The following ADAM18 variants were observed in gnomAD, a reference collection of about 807,000 sequenced individuals.
ADAM18 encodes ADAM metallopeptidase domain 18.
Under a neutral mutation model 94.4 loss-of-function variants are expected in ADAM18, and 117 were observed. The observed-to-expected ratio is 1.24, with a 90% CI of 1.07 to 1.45. The LOEUF (loss-of-function observed/expected upper bound fraction) is 1.45, where lower values mean the gene tolerates loss of function less well. Ranked by LOEUF, ADAM18 falls within the 40% of genes most tolerant of loss-of-function variation. The probability of loss-of-function intolerance (pLI) is 0.00; values close to 1 mark genes in which losing one functional copy is unlikely to be tolerated. For synonymous variants in ADAM18, 327 were observed against 291.6 expected, an observed-to-expected ratio of 1.12 and a Z score of -1.24; for missense variants, 936 against 880.0, an observed-to-expected ratio of 1.06 and a Z score of -0.81.
At chr8:39,710,884 A>T (rs187490326) in intron 18 of ADAM18, among the ~76,000 whole-genome samples, 188 of 152,348 alleles carry the variant, frequency 1.2e-3, no homozygotes, top group Non-Finnish European at 2.2e-3. Flanking sequence ...TTAGAATGCC[A>T]TATGCATGAT....
chr8:39,628,903 A>G (rs1301197032), intron 6 of ADAM18, among the ~76,000 whole-genome samples: 1 of 152,072 alleles, frequency 6.6e-6, no homozygotes, highest in Non-Finnish European at 1.5e-5. Flanking sequence ...GTGCTAACAT[A>G]ATAACCTATA....
intron 6 of ADAM18, among the ~76,000 whole-genome samples, chr8:39,625,419 A>T (rs555883717): frequency 9.7e-4 from 147 of 152,236 alleles, no homozygotes; most frequent in Non-Finnish European, 1.8e-3. Flanking sequence ...CACTGGTCAA[A>T]TGTAGGAGTC....
At chr8:39,725,453 C>T (rs1822876307) in intron 19 of ADAM18, among the ~76,000 whole-genome samples, 1 of 152,106 alleles carries the variant, frequency 6.6e-6, no homozygotes, top group Non-Finnish European at 1.5e-5. Context: ...ATTTATCTTG[C>T]ATAACTGAAT....
At position 39,682,370 on chromosome 8, in the gene ADAM18, G is replaced by A. The variant is rs183489874; in HGVS notation, c.1821+2144G>A. 1.5e-3 allele frequency among the ~76,000 whole-genome samples: 226 copies of A among 152,284 alleles called. 6 individuals are homozygous for A. Among genetic ancestry groups the A allele is most frequent in the Admixed American group, 0.014 (210 of 15,288 alleles). On this transcript the variant is annotated intron_variant, in intron 16 of 19. Transcript: ENST00000265707. ...CAGTTTTTGAGAAACCGCCAGTAAA[G>A]AGAATACAAAATGAAAGGAGGCTAT...
chr8:39,701,716 A>G lies in ADAM18; in HGVS notation c.1903-5074A>G, dbSNP rs531451096. 5.9e-5 allele frequency among the ~76,000 whole-genome samples: 9 copies of G among 152,024 alleles called. No homozygotes were observed. The East Asian group carries it at 1.7e-3, about 29-fold the overall frequency. ...CATGTGTTGTCATCATTTCGTTCCC[A>G]CTTATAAGTGAGAACGTGTGGTATT... is the stretch of plus-strand genomic sequence containing the variant. On this transcript the variant is annotated intron_variant, in intron 17 of 19. Coordinates refer to ENST00000265707, the MANE Select transcript of ADAM18 (RefSeq NM_014237.3).
At chr8:39,697,616 T>C (rs996563537) in intron 17 of ADAM18, among the ~76,000 whole-genome samples, 4 of 151,784 alleles carry the variant, frequency 2.6e-5, no homozygotes, top group Non-Finnish European at 5.9e-5. Context: ...ATATATTTAC[T>C]CTTTCTATTT....
chr8:39,729,937 T>A lies in ADAM18; in HGVS notation c.2217T>A (p.His739Gln). The A allele has an allele frequency of 6.2e-7, 1 of 1,612,870 alleles. No individual in the cohort carries two copies. Among genetic ancestry groups the A allele is most frequent in the Non-Finnish European group, 8.5e-7 (1 of 1,178,844 alleles). The change falls in exon 20 of 20, where the codon CAT becomes CAA. Residue 739 changes from histidine to glutamine, a missense_variant. Physicochemically the swap from His to Gln is conservative, Grantham distance 24. Transcript: ENST00000265707. ...TATCAGAAAGCGATGACGTGGGACA[T>A]TAATATTGCACAGAACTTCCATAGC... ...SVVSESDDVG[H>Q]
chr8:39,587,369 A>C (rs984505762), intron 2 of ADAM18, among the ~76,000 whole-genome samples: 1 of 152,214 alleles, frequency 6.6e-6, no homozygotes, highest in Non-Finnish European at 1.5e-5. Context: ...TCATTGAGCA[A>C]TAATTCCCTA....
Position 39,723,757 on chromosome 8 carries a change from A to G in ADAM18, c.2027A>G (p.Tyr676Cys). 3 of 1,513,070 alleles carry G rather than the reference A, an allele frequency of 2.0e-6. No individual in the cohort carries two copies. Among genetic ancestry groups the G allele is most frequent in the Non-Finnish European group, 2.6e-6 (3 of 1,135,642 alleles). 93.7% of individuals were successfully genotyped at this position (1,513,070 alleles called of 1,614,324 possible). A position where few individuals can be genotyped will look rare whatever the true frequency, so the allele number is the denominator to read the frequency against. ...DGNFQKSGDF[Y>C]TEKGYNTHWN... ...TATGATTCATTTCTAGGTGACTTTT[A>G]TACTGAAAAAGGCTACAATACACAC... The change falls in exon 19 of 20, where the codon TAT (tyrosine) becomes TGT (cysteine). Residue 676 changes from tyrosine to cysteine, a missense_variant. Coordinates refer to ENST00000265707, the MANE Select transcript of ADAM18 (RefSeq NM_014237.3).
chr8:39,684,047 A>G (rs1821541001), intron 16 of ADAM18, among the ~76,000 whole-genome samples: 1 of 152,166 alleles, frequency 6.6e-6, no homozygotes, highest in African/African-American at 2.4e-5. Flanking sequence ...TGGGAGGCTG[A>G]AGCAAGAGGA....
rs1820432128 is a variant in ADAM18 at position 39,648,031 on chromosome 8, G to A, written c.1047-313G>A. Among the ~76,000 whole-genome samples the A allele has an allele frequency of 3.3e-5, 5 of 152,108 alleles. No individual in the cohort carries two copies. In the South Asian group the frequency reaches 1.0e-3, roughly 31 times the overall value. ...AAAGCTTGAACTATATAACAGAAGA[G>A]CACACTATGCAGAGGGAACAATAGA... On this transcript the variant is annotated intron_variant, in intron 11 of 19. Coordinates refer to ENST00000265707, the MANE Select transcript of ADAM18 (RefSeq NM_014237.3).
chr8:39,722,190 C>T (rs1010060872), intron 18 of ADAM18, among the ~76,000 whole-genome samples: 20 of 101,810 alleles, frequency 2.0e-4, no homozygotes, highest in Non-Finnish European at 2.7e-4. Flanking sequence ...TTGGTTATAC[C>T]GTGTGTGTGT....
chr8:39,729,576 A>T (rs1334816238), intron 19 of ADAM18, among the ~76,000 whole-genome samples: 1 of 152,160 alleles, frequency 6.6e-6, no homozygotes, highest in Admixed American at 6.5e-5. Flanking sequence ...GATTGTTTTT[A>T]CATAGTCATT....
chr8:39,700,561 T>G (rs1434696737), intron 17 of ADAM18, among the ~76,000 whole-genome samples: 8 of 152,154 alleles, frequency 5.3e-5, no homozygotes, highest in African/African-American at 1.9e-4. Flanking sequence ...TAATGAAAAT[T>G]TAATAAAAAT....
At chr8:39,663,750 T>A in intron 12 of ADAM18, 45 bp from the exon 13 acceptor site, 1 of 1,295,184 alleles carries the variant, frequency 7.7e-7, no homozygotes, top group South Asian at 1.2e-5. Flanking sequence ...ACAAGAGCTT[T>A]TAAGTGGTTA....
chr8:39,588,105 C>A (rs547125344), intron 2 of ADAM18, among the ~76,000 whole-genome samples: 1 of 152,100 alleles, frequency 6.6e-6, no homozygotes, highest in Admixed American at 6.5e-5. Context: ...TTTTGTGGAA[C>A]CTCCATACTG....
At chr8:39,601,348 C>A (rs1818898236) in intron 2 of ADAM18, among the ~76,000 whole-genome samples, 1 of 152,218 alleles carries the variant, frequency 6.6e-6, no homozygotes. Flanking sequence ...GTTTACATCT[C>A]CATTTATAAG....
At chr8:39,658,616 T>C (rs1028635119) in intron 12 of ADAM18, among the ~76,000 whole-genome samples, 7 of 152,080 alleles carry the variant, frequency 4.6e-5, no homozygotes, top group African/African-American at 1.7e-4. Context: ...ACTACAGAAG[T>C]TTAGATCGTA....
At chr8:39,668,908 G>A (rs1821069793) in intron 14 of ADAM18, among the ~76,000 whole-genome samples, 1 of 151,914 alleles carries the variant, frequency 6.6e-6, no homozygotes, top group Non-Finnish European at 1.5e-5. Context: ...ATTGTATATG[G>A]TCCATCTTGT....
Sources: allele counts gnomAD v4.1 joint callset (sites outside exome capture counted in the v4.1 genomes callset), GRCh38; gene constraint gnomAD v4.1.1; transcripts MANE v1.5; gene names NCBI Gene and HGNC (gene_info 2026-07-23, HGNC 2026-07-21).